Variants in ELOVL6 observed in about 807,000 individuals in gnomAD.
ELOVL6 encodes the protein very long chain fatty acid elongase 6.
A neutral mutation model predicts 31.7 loss-of-function variants in ELOVL6; 8 were observed. That is an observed-to-expected ratio of 0.25 (90% CI 0.15 to 0.45). ELOVL6 has a LOEUF of 0.45. ELOVL6 is among the 20% of genes least tolerant of loss of function. ELOVL6 has a pLI of 1.00. For missense variants in ELOVL6, 126 were observed against 326.4 expected (o/e 0.39, Z 4.73); for synonymous variants, 101 against 117.7 (o/e 0.86, Z 0.92).
chr4:110,126,922 A>G (rs1757513738), intron 1 of ELOVL6, among the ~76,000 whole-genome samples: 1 of 152,194 alleles, frequency 6.6e-6, no homozygotes, highest in African/African-American at 2.4e-5. Flanking sequence ...TAACATGCAT[A>G]TCAAAATTAA....
At chr4:110,160,113 A>AAC (rs59669268) in intron 1 of ELOVL6, among the ~76,000 whole-genome samples, 3,541 of 149,408 alleles carry the variant, frequency 0.024, 103 homozygotes, top group African/African-American at 0.068. Flanking sequence ...CACACACACA[A>AAC]ACACACACAC....
intron 1 of ELOVL6, among the ~76,000 whole-genome samples, chr4:110,149,215 C>T (rs1213102378): frequency 6.6e-6 from 1 of 152,136 alleles, no homozygotes; most frequent in Non-Finnish European, 1.5e-5. Flanking sequence ...GTATGGAAAA[C>T]TATGGAGATT....
chr4:110,086,942 A>G (rs1020432979), intron 2 of ELOVL6, among the ~76,000 whole-genome samples: 6 of 152,096 alleles, frequency 3.9e-5, no homozygotes, highest in Non-Finnish European at 5.9e-5. Flanking sequence ...TGACCGTCCT[A>G]TAATAGTATT....
intron 2 of ELOVL6, among the ~76,000 whole-genome samples, chr4:110,068,913 C>T (rs1198868149): frequency 6.6e-6 from 1 of 152,144 alleles, no homozygotes; most frequent in East Asian, 1.9e-4. Flanking sequence ...AAGACCCAGG[C>T]AGGAGGATTG....
intron 2 of ELOVL6, among the ~76,000 whole-genome samples, chr4:110,068,937 G>C (rs1366667775): frequency 2.6e-5 from 4 of 152,142 alleles, no homozygotes; most frequent in African/African-American, 9.7e-5. Flanking sequence ...AAGCTCAGGA[G>C]TTTGAGACTG....
intron 2 of ELOVL6, among the ~76,000 whole-genome samples, chr4:110,100,866 A>T (rs1426025754): frequency 1.3e-5 from 2 of 152,204 alleles, no homozygotes; most frequent in Non-Finnish European, 2.9e-5. Flanking sequence ...CTGAGCAAAG[A>T]ATTTCTATAT....
chr4:110,088,109 G>A (rs747058039), intron 2 of ELOVL6, among the ~76,000 whole-genome samples: 12 of 152,148 alleles, frequency 7.9e-5, no homozygotes, highest in Non-Finnish European at 1.6e-4. Context: ...AGGTGACCTT[G>A]ACCCTCAGTT....
chr4:110,158,653 ATATATTTTT>A lies in ELOVL6; in HGVS notation c.89+39585_89+39593del, dbSNP rs1315298155. ...TACACGTGTATATATATATATATAT[ATATATTTTT>A]TTTTTTTTTTTTTTTGAGACAGAAT... On this transcript the variant is annotated intron_variant, in intron 1 of 3. Coordinates refer to ENST00000302274, the MANE Select transcript of ELOVL6 (RefSeq NM_024090.3). Among the ~76,000 whole-genome samples, 48 of 85,242 alleles carry A rather than the reference ATATATTTTT, an allele frequency of 5.6e-4. 1 individual carries two copies. In the East Asian group the frequency reaches 7.1e-3, roughly 13 times the overall value. The allele number at this position is 85,242 out of a possible 152,430, so 55.9% of individuals were successfully genotyped here. A position where few individuals can be genotyped will look rare whatever the true frequency, so the allele number is the denominator to read the frequency against.
At chr4:110,187,716 G>T (rs1759491764) in intron 1 of ELOVL6, among the ~76,000 whole-genome samples, 1 of 149,508 alleles carries the variant, frequency 6.7e-6, no homozygotes, top group South Asian at 2.1e-4. Context: ...AAAAAAAATT[G>T]TAATGTGATA....
chr4:110,173,161 C>T (rs1007853432), intron 1 of ELOVL6, among the ~76,000 whole-genome samples: 3 of 152,166 alleles, frequency 2.0e-5, no homozygotes, highest in African/African-American at 7.2e-5. Context: ...TGCTTCTCCG[C>T]CCAGACAGAA....
At chr4:110,118,198 T>G (rs1286735822) in intron 1 of ELOVL6, 1 of 151,428 alleles carries the variant, frequency 6.6e-6, no homozygotes, top group Non-Finnish European at 1.5e-5. Context: ...CCTCAAGTGA[T>G]CCACCCGCCT....
intron 3 of ELOVL6, among the ~76,000 whole-genome samples, chr4:110,052,952 TTTTG>T (rs1051345753): frequency 3.3e-5 from 5 of 152,174 alleles, no homozygotes; most frequent in Admixed American, 2.0e-4. Flanking sequence ...TCTTTTAATT[TTTTG>T]TTTGTTTTTG....
chr4:110,103,493 T>A (rs993614205), intron 2 of ELOVL6, among the ~76,000 whole-genome samples: 2 of 152,098 alleles, frequency 1.3e-5, no homozygotes, highest in African/African-American at 4.8e-5. Flanking sequence ...AGACAAAGAA[T>A]CAAGCATTTA....
intron 1 of ELOVL6, among the ~76,000 whole-genome samples, chr4:110,152,313 C>A (rs746808144): frequency 6.6e-6 from 1 of 152,178 alleles, no homozygotes; most frequent in Non-Finnish European, 1.5e-5. Context: ...GAGGAAAAAA[C>A]CCATCTATCA....
chr4:110,086,487 A>G (rs1430184191), intron 2 of ELOVL6, among the ~76,000 whole-genome samples: 2 of 152,192 alleles, frequency 1.3e-5, no homozygotes, highest in Non-Finnish European at 2.9e-5. Context: ...TGTTTCGTAC[A>G]TTTATAATAT....
chr4:110,084,387 CAT>C (rs1178371079), intron 2 of ELOVL6, among the ~76,000 whole-genome samples: 6 of 69,470 alleles, frequency 8.6e-5, no homozygotes, highest in Admixed American at 5.2e-4. Context: ...ATATATATCG[CAT>C]ATATGATATA....
At chr4:110,189,053 G>A (rs1370853929) in intron 1 of ELOVL6, among the ~76,000 whole-genome samples, 5 of 152,048 alleles carry the variant, frequency 3.3e-5, no homozygotes, top group African/African-American at 7.2e-5. Context: ...TGAGATGGGA[G>A]GATCACTTGA....
intron 2 of ELOVL6, among the ~76,000 whole-genome samples, chr4:110,086,395 A>G (rs1275006053): frequency 6.6e-6 from 1 of 152,210 alleles, no homozygotes; most frequent in Non-Finnish European, 1.5e-5. Context: ...GATGTACTTT[A>G]TATGTTAAAT....
intron 1 of ELOVL6, among the ~76,000 whole-genome samples, chr4:110,196,108 G>A (rs539022535): frequency 6.6e-6 from 1 of 152,256 alleles, no homozygotes; most frequent in East Asian, 1.9e-4. Flanking sequence ...CCTAGGAAGT[G>A]GCCTCAGAGA....
Sources: allele counts gnomAD v4.1 joint callset (sites outside exome capture counted in the v4.1 genomes callset), GRCh38; gene constraint gnomAD v4.1.1; transcripts MANE v1.5; gene names NCBI Gene and HGNC (gene_info 2026-07-23, HGNC 2026-07-21).